The following TRIM16 variants were observed in gnomAD, a reference collection of about 807,000 sequenced individuals.
TRIM16 encodes the protein tripartite motif containing 16.
In TRIM16, 33 loss-of-function variants were observed where a neutral mutation model predicts 50.4. The ratio of observed to expected loss-of-function variants is 0.65; its 90% confidence interval spans 0.50 to 0.88. The LOEUF (loss-of-function observed/expected upper bound fraction) is 0.88. Ranked by LOEUF, TRIM16 falls within the 40% of genes least tolerant of loss-of-function variation. The pLI, the probability that TRIM16 is intolerant of heterozygous loss-of-function variation, is 0.00. For synonymous variants in TRIM16, 229 were observed against 270.7 expected (o/e 0.85, Z 1.51); for missense variants, 581 against 686.8 (o/e 0.85, Z 1.72).
intron 6 of TRIM16, among the ~76,000 whole-genome samples, chr17:15,666,256 T>A (rs1217465441): frequency 2.0e-5 from 3 of 152,234 alleles, no homozygotes; most frequent in Non-Finnish European, 4.4e-5. Flanking sequence ...TTATTTATTT[T>A]TATTTTTTAG....
At chr17:15,669,770 T>C (rs1232260627) in intron 6 of TRIM16, among the ~76,000 whole-genome samples, 1 of 152,238 alleles carries the variant, frequency 6.6e-6, no homozygotes. Context: ...AAATTGGTTA[T>C]CTAAAAATTC....
intron 6 of TRIM16, among the ~76,000 whole-genome samples, chr17:15,657,694 A>G (rs1333904657): frequency 6.6e-6 from 1 of 152,182 alleles, no homozygotes; most frequent in African/African-American, 2.4e-5. Flanking sequence ...AGGTTCATTC[A>G]TATCGTAGCA....
chr17:15,649,587 G>C (rs887058302), intron 7 of TRIM16, among the ~76,000 whole-genome samples: 1 of 152,080 alleles, frequency 6.6e-6, no homozygotes, highest in African/African-American at 2.4e-5. Context: ...TGCCCGGCTG[G>C]TGGAGATTAT....
rs187299414 is a variant in TRIM16, at chr17:15,628,940, T to C, written c.1370A>G (p.Asn457Ser). ...KGIDRKGEER[N>S]SCISGNNFSW... ...GAAGTTGTTTCCGGAAATGCAACTG[T>C]TGCGCTCCTCCCCTTTCCGGTCGAT... Residue 457 changes from asparagine to serine, a missense_variant, in exon 12 of 12, where the codon AAC (asparagine) becomes AGC (serine). Around this residue, in one of 3 missense-constraint regions of TRIM16, gnomAD observed 115 missense variants for 106.7 expected, o/e 1.08. Coordinates refer to ENST00000649191, the MANE Select transcript of TRIM16 (RefSeq NM_001348119.1). 2.4e-5 allele frequency: 38 copies of C among 1,614,122 alleles called. No homozygotes were observed. The highest frequency in any genetic ancestry group is 1.6e-4 in the East Asian group (7 of 44,874).
At chr17:15,630,752 C>G (rs1032597710) in intron 11 of TRIM16, among the ~76,000 whole-genome samples, 32 of 150,494 alleles carry the variant, frequency 2.1e-4, no homozygotes, top group Non-Finnish European at 1.5e-5. Context: ...TGTGGGAGGT[C>G]AAGCCTGCAG....
chr17:15,638,103 A>G (rs1018610978), intron 8 of TRIM16, among the ~76,000 whole-genome samples: 5 of 129,074 alleles, frequency 3.9e-5, no homozygotes, highest in African/African-American at 1.5e-4. Context: ...CAGGGACACA[A>G]ACACTGCGGA....
At chr17:15,637,820 G>A (rs1478283312) in intron 8 of TRIM16, among the ~76,000 whole-genome samples, 5 of 123,120 alleles carry the variant, frequency 4.1e-5, no homozygotes, top group Non-Finnish European at 8.6e-5. Context: ...GGAAAGGTGG[G>A]GAAAAGATTG....
chr17:15,659,336 T>C (rs1311373050), intron 6 of TRIM16, among the ~76,000 whole-genome samples: 1 of 152,308 alleles, frequency 6.6e-6, no homozygotes, highest in Middle Eastern at 3.4e-3. Flanking sequence ...GGCACCGCTT[T>C]GATCACTTCT....
At chr17:15,674,147 G>A (rs568457993) in intron 6 of TRIM16, among the ~76,000 whole-genome samples, 7 of 152,250 alleles carry the variant, frequency 4.6e-5, no homozygotes, top group African/African-American at 9.6e-5. Flanking sequence ...TGAGACGGGC[G>A]GATCATGAGG....
chr17:15,679,807 G>C (rs1258337639), intron 4 of TRIM16, among the ~76,000 whole-genome samples: 1 of 152,044 alleles, frequency 6.6e-6, no homozygotes, highest in African/African-American at 2.4e-5. Context: ...CGCGGTGGCG[G>C]GTGCCTGTAG....
intron 7 of TRIM16, among the ~76,000 whole-genome samples, chr17:15,650,392 C>T (rs1425329669): frequency 1.3e-5 from 2 of 152,270 alleles, no homozygotes; most frequent in Non-Finnish European, 2.9e-5. Context: ...CAAAGAAAAA[C>T]GACTTGTTCT....
intron 6 of TRIM16, among the ~76,000 whole-genome samples, chr17:15,654,030 T>C (rs1987854514): frequency 6.6e-6 from 1 of 152,108 alleles, no homozygotes; most frequent in Admixed American, 6.5e-5. Context: ...CAGATCCACC[T>C]AGCCCCAGGG....
intron 6 of TRIM16, among the ~76,000 whole-genome samples, chr17:15,670,891 T>C (rs1347901092): frequency 1.3e-5 from 2 of 152,282 alleles, no homozygotes; most frequent in African/African-American, 2.4e-5. Context: ...CTGATATCAA[T>C]AATATACAAA....
At chr17:15,660,284 C>T (rs1988164918) in intron 6 of TRIM16, among the ~76,000 whole-genome samples, 1 of 152,168 alleles carries the variant, frequency 6.6e-6, no homozygotes, top group Non-Finnish European at 1.5e-5. Flanking sequence ...GTGGCCAGGG[C>T]CAGAGGACAA....
chr17:15,675,215 T>C (rs1263310817), intron 6 of TRIM16, among the ~76,000 whole-genome samples: 1 of 152,236 alleles, frequency 6.6e-6, no homozygotes, highest in East Asian at 1.9e-4. Flanking sequence ...GGATTTGTGA[T>C]ATTCTGATAG....
At chr17:15,663,266 C>A (rs1334849786) in intron 6 of TRIM16, among the ~76,000 whole-genome samples, 1 of 152,198 alleles carries the variant, frequency 6.6e-6, no homozygotes, top group Non-Finnish European at 1.5e-5. Flanking sequence ...ACTCTCCTCT[C>A]CACTCAGGAT....
intron 8 of TRIM16, among the ~76,000 whole-genome samples, chr17:15,640,733 A>G (rs145063552): frequency 2.0e-5 from 3 of 148,900 alleles, no homozygotes; most frequent in Non-Finnish European, 4.5e-5. Flanking sequence ...AATGGTGGTG[A>G]TGGTGTTTGA....
intron 6 of TRIM16, among the ~76,000 whole-genome samples, chr17:15,656,505 C>T (rs746622855): frequency 8.5e-5 from 13 of 152,156 alleles, no homozygotes; most frequent in Admixed American, 1.3e-4. Flanking sequence ...TGGGAGTCCT[C>T]CTCAGCCCCC....
chr17:15,670,447 C>A (rs1004500051), intron 6 of TRIM16, among the ~76,000 whole-genome samples: 1 of 152,196 alleles, frequency 6.6e-6, no homozygotes, highest in African/African-American at 2.4e-5. Flanking sequence ...CTCCCAGATG[C>A]TCTCTATGGT....
Sources: gnomAD v4.1 joint callset for allele counts (sites outside exome capture counted in the v4.1 genomes callset) on GRCh38, gnomAD v4.1.1 for gene constraint, gnomAD v4.1.1 regional missense constraint, MANE v1.5 for transcripts, NCBI Gene and HGNC (gene_info 2026-07-23, HGNC 2026-07-21) for gene names.